ADCY3: variants seen among roughly 807,000 people sequenced by gnomAD.
ADCY3 encodes adenylate cyclase type 3.
In ADCY3, 70 loss-of-function variants were observed where a neutral mutation model predicts 119.4. The ratio of observed to expected loss-of-function variants is 0.59; its 90% CI spans 0.48 to 0.72. ADCY3 has a LOEUF of 0.72. Ranked by LOEUF, ADCY3 falls within the 30% of genes least tolerant of loss-of-function variation. The pLI, the probability that ADCY3 is intolerant of heterozygous loss-of-function variation, is 0.00. For synonymous variants in ADCY3, 672 were observed against 621.4 expected (o/e 1.08, Z -1.21); for missense variants, 1,238 against 1,541.6 (o/e 0.80, Z 3.30).
chr2:24,834,788 G>T lies in ADCY3; in HGVS notation c.1805+6C>A. On this transcript the variant is annotated splice_donor_region_variant and intron_variant, in intron 10 of 21. Coordinates refer to ENST00000679454, the MANE Select transcript of ADCY3 (RefSeq NM_004036.5). This position sits in a 1 kb window ranked among gnomAD's most constrained non-coding sequence, Gnocchi z 4.2. Reference sequence around the variant, plus strand: ...GTGGGCCTGGACGCTTCCGGGTGGCGCTTACACTTGGGCGGACTCTCGCTC... The same window carrying T: ...GTGGGCCTGGACGCTTCCGGGTGGCTCTTACACTTGGGCGGACTCTCGCTC... 1 of 1,611,934 alleles carries T rather than the reference G, an allele frequency of 6.2e-7. No individual in the cohort carries two copies. The highest frequency in any genetic ancestry group is 1.1e-5 in the South Asian group (1 of 91,032).
Position 24,835,862 on chromosome 2 carries a change from G to A in ADCY3, c.1663-926C>T, listed in dbSNP as rs188271504. The stretch of plus-strand genomic sequence containing the variant: ...GAGGCAGGAGAATCTCTTGCACCCG[G>A]GAGGCAGAGGTTGCAGTGAGCCAAG... On this transcript the variant is annotated intron_variant, in intron 9 of 21. Coordinates refer to ENST00000679454, the MANE Select transcript of ADCY3 (RefSeq NM_004036.5). Among the ~76,000 whole-genome samples, 1,362 of 151,944 alleles carry A rather than the reference G, an allele frequency of 9.0e-3. 20 individuals are homozygous for A. Among genetic ancestry groups the A allele is most frequent in the African/African-American group, 0.031 (1,282 of 41,388 alleles).
intron 3 of ADCY3, among the ~76,000 whole-genome samples, chr2:24,846,572 CTTT>C (rs1345855303): frequency 6.7e-6 from 1 of 148,728 alleles, no homozygotes; most frequent in Non-Finnish European, 1.5e-5. Context: ...AACTAGTTTG[CTTT>C]TGATTTTTTT....
At chr2:24,838,297 A>C in intron 8 of ADCY3, 148 bp downstream of exon 8, 1 of 772,760 alleles carries the variant, frequency 1.3e-6, no homozygotes, top group Non-Finnish European at 2.1e-6. Context: ...TCCCTTGGGA[A>C]GGGTGCCAGC....
At position 24,866,952 on chromosome 2, in the gene ADCY3, T is replaced by C. The variant is rs971857800; in HGVS notation, c.825+5618A>G. ...AGATACTTCTGGAACATGGTAAAAA[T>C]GTCTAACAAGGATATTGAGTCCTAG... is the stretch of plus-strand genomic sequence containing the variant. On this transcript the variant is annotated intron_variant, in intron 3 of 21. Coordinates refer to ENST00000679454, the MANE Select transcript of ADCY3 (RefSeq NM_004036.5). Among the ~76,000 whole-genome samples, 6 of 152,132 alleles carry C rather than the reference T, an allele frequency of 3.9e-5. No homozygotes were observed. The East Asian group carries it at 1.2e-3, about 29-fold the overall frequency.
At chr2:24,840,724 G>C in intron 6 of ADCY3, 1 of 356,162 alleles carries the variant, frequency 2.8e-6, no homozygotes, top group Non-Finnish European at 5.9e-6. Context: ...AGCCCACTTG[G>C]AGCAGGGGCA....
At chr2:24,896,677 T>C (rs1678326149) in intron 2 of ADCY3, among the ~76,000 whole-genome samples, 1 of 152,168 alleles carries the variant, frequency 6.6e-6, no homozygotes, top group South Asian at 2.1e-4. Flanking sequence ...TCTCACAGGG[T>C]TGCCCTGTGC....
chr2:24,860,698 G>A lies in ADCY3; in HGVS notation c.825+11872C>T, dbSNP rs547369147. ...GGGATGCCTGTGCTTGAGGGACTGT[G>A]CCGCCTCACCCTCCTGGACCATGGC... On this transcript the variant is annotated intron_variant, in intron 3 of 21. Transcript: ENST00000679454. Among the ~76,000 whole-genome samples, 37 of 152,356 alleles carry A rather than the reference G, an allele frequency of 2.4e-4. 1 individual carries two copies. The highest frequency in any genetic ancestry group is 8.4e-4 in the African/African-American group (35 of 41,586).
chr2:24,841,529 G>A lies in ADCY3; in HGVS notation c.1068+27C>T, dbSNP rs1671015191. 6.2e-7 allele frequency: 1 copy of A among 1,606,444 alleles called. No homozygotes were observed. The highest frequency in any genetic ancestry group is 8.5e-7 in the Non-Finnish European group (1 of 1,176,224). ...GAGGCCATGAGGGCAGGCCCCGCTG[G>A]AGAGCCAGGCGGGGCCAGGGACTTA... On this transcript the variant is annotated intron_variant, in intron 5 of 21. Transcript: ENST00000679454. This position sits in a 1 kb window ranked among gnomAD's most constrained non-coding sequence, Gnocchi z 5.8.
chr2:24,844,730 T>G (rs1004014914), intron 3 of ADCY3, among the ~76,000 whole-genome samples: 2 of 152,178 alleles, frequency 1.3e-5, no homozygotes, highest in African/African-American at 4.8e-5. Context: ...ATTTATCACC[T>G]TTCTTGCAGG....
In ADCY3 at chr2:24,874,049, A is replaced by G. The variant is rs56237104; in HGVS notation, c.676-1330T>C. On this transcript the variant is annotated intron_variant, in intron 2 of 21. Transcript: ENST00000679454. ...GACAACAAGGGAAGCTGGTTCTCACATGAATTTTCTGGGTTCTCTTGGTTA... is the reference window on the plus strand; with the variant it reads ...GACAACAAGGGAAGCTGGTTCTCACGTGAATTTTCTGGGTTCTCTTGGTTA... Among the ~76,000 whole-genome samples, 1,384 of 152,316 alleles carry G rather than the reference A, an allele frequency of 9.1e-3. 17 individuals are homozygous for G. Among genetic ancestry groups the G allele is most frequent in the African/African-American group, 0.031 (1,290 of 41,572 alleles).
intron 2 of ADCY3, among the ~76,000 whole-genome samples, chr2:24,913,014 G>A (rs1251121868): frequency 6.6e-6 from 1 of 152,178 alleles, no homozygotes; most frequent in Non-Finnish European, 1.5e-5. Context: ...TCATTGTTCT[G>A]GTCCCTGGAC....
rs149726253 is a variant in ADCY3, at chr2:24,872,649, C to T, written c.746G>A (p.Arg249His). 5 of 1,614,080 alleles carry T rather than the reference C, an allele frequency of 3.1e-6. No individual in the cohort carries two copies. The highest frequency in any genetic ancestry group is 2.2e-5 in the East Asian group (1 of 44,894). ...VGIMSYYMADRKHRKAFLEAR... is the reference protein window; with the variant it reads ...VGIMSYYMADHKHRKAFLEAR... ...CTCCAGGAAGGCCTTGCGGTGCTTG[C>T]GGTCAGCCATGTAGTAGGACATGAT... Residue 249 changes from arginine to histidine, a missense_variant, in exon 3 of 22, where the codon CGC becomes CAC. By Grantham distance (29) the Arg-to-His change is conservative. Around this residue, in one of 7 missense-constraint regions of ADCY3, gnomAD observed 283 missense variants for 437.2 expected, o/e 0.65. Coordinates refer to ENST00000679454, the MANE Select transcript of ADCY3 (RefSeq NM_004036.5). This position sits in a 1 kb window ranked among gnomAD's most constrained non-coding sequence, Gnocchi z 4.4.
At chr2:24,825,477 G>A (rs1668486977) in intron 16 of ADCY3, 1 of 154,082 alleles carries the variant, frequency 6.5e-6, no homozygotes, top group African/African-American at 2.4e-5. Context: ...TGGGATTACA[G>A]GTGCGGGCCA....
intron 19 of ADCY3, 28 bp downstream of exon 19, chr2:24,822,483 C>A: frequency 6.8e-6 from 11 of 1,609,488 alleles, no homozygotes; most frequent in Non-Finnish European, 9.4e-6. Context: ...GGCAGAGCCT[C>A]ATCTCTCTGG....
At chr2:24,821,447 C>T (rs1667697695) in intron 20 of ADCY3, 70 bp downstream of exon 20, 2 of 1,587,078 alleles carry the variant, frequency 1.3e-6, no homozygotes, top group Non-Finnish European at 8.6e-7. Flanking sequence ...TCATGTCTCT[C>T]CTGGTGGTGG....
chr2:24,821,861 GGAGACGGACCTGTGAGTCTGACCAC>G, intron 19 of ADCY3: 1 of 571,588 alleles, frequency 1.7e-6, no homozygotes, highest in South Asian at 2.3e-5. Flanking sequence ...ATTGAGCAGA[GGAGACGGACCTGTGAGTCTGACCAC>G]GAGGCGGACC....
chr2:24,860,867 A>C (rs558925311), intron 3 of ADCY3, among the ~76,000 whole-genome samples: 2 of 152,226 alleles, frequency 1.3e-5, no homozygotes, highest in South Asian at 4.1e-4. Flanking sequence ...ACAGCAGAGG[A>C]GGAAGCTGAG....
At chr2:24,871,558 G>T (rs1244584906) in intron 3 of ADCY3, among the ~76,000 whole-genome samples, 1 of 152,220 alleles carries the variant, frequency 6.6e-6, no homozygotes, top group Non-Finnish European at 1.5e-5. Flanking sequence ...CGACGGTGGG[G>T]CTCCTGCAAG....
At chr2:24,843,857 G>A (rs565514258) in intron 3 of ADCY3, among the ~76,000 whole-genome samples, 7 of 152,364 alleles carry the variant, frequency 4.6e-5, no homozygotes, top group Admixed American at 1.3e-4. Context: ...GTGGTGCTGC[G>A]GAGGCGAAGC....
Sources: gnomAD v4.1 joint callset for allele counts (sites outside exome capture counted in the v4.1 genomes callset) on GRCh38, gnomAD v4.1.1 for gene constraint, gnomAD v4.1.1 regional missense constraint, Gnocchi (gnomAD v3.1) non-coding constraint, MANE v1.5 for transcripts, NCBI Gene and HGNC (gene_info 2026-07-23, HGNC 2026-07-21) for gene names.